AP3B1: variants seen among roughly 807,000 people sequenced by gnomAD.
The protein encoded by AP3B1 is AP-3 complex subunit beta-1.
In AP3B1, 61 loss-of-function variants were observed where a neutral mutation model predicts 132.5. The observed-to-expected ratio is 0.46, with a 90% CI of 0.37 to 0.57. The LOEUF is 0.57. AP3B1 is among the 20% of genes least tolerant of loss of function. The pLI is 0.00. For missense variants in AP3B1, 1,120 were observed against 1,289.4 expected (o/e 0.87, Z 2.01); for synonymous variants, 388 against 438.3 (o/e 0.89, Z 1.43).
intron 26 of AP3B1, among the ~76,000 whole-genome samples, chr5:78,005,305 CA>C (rs1746345143): frequency 6.6e-6 from 1 of 152,192 alleles, no homozygotes; most frequent in South Asian, 2.1e-4. Context: ...AATAGGAACA[CA>C]AAAGCACTGT....
chr5:78,169,278 C>T (rs55831416), intron 11 of AP3B1, among the ~76,000 whole-genome samples: 27,759 of 152,080 alleles, frequency 0.18, 2,797 homozygotes, highest in Admixed American at 0.27. Context: ...TCTAACCCTT[C>T]GACCTCCCAA....
At chr5:78,136,018 G>GA (rs1175413840) in intron 15 of AP3B1, among the ~76,000 whole-genome samples, 3 of 150,850 alleles carry the variant, frequency 2.0e-5, no homozygotes, top group East Asian at 3.9e-4. Flanking sequence ...TTCACAGACT[G>GA]AAAAAAAAGA....
chr5:78,273,922 A>T (rs34900994), intron 1 of AP3B1, among the ~76,000 whole-genome samples: 34,140 of 151,556 alleles, frequency 0.23, 4,496 homozygotes, highest in Middle Eastern at 0.31. Flanking sequence ...AGAAGCTATC[A>T]CCCAAAGCTT....
At chr5:78,202,211 C>T (rs1232641783) in intron 7 of AP3B1, among the ~76,000 whole-genome samples, 1 of 152,160 alleles carries the variant, frequency 6.6e-6, no homozygotes, top group Non-Finnish European at 1.5e-5. Context: ...TAAGGCCTCC[C>T]CAGCCACGTA....
At chr5:78,157,483 A>G (rs1476491776) in intron 13 of AP3B1, among the ~76,000 whole-genome samples, 2 of 152,176 alleles carry the variant, frequency 1.3e-5, no homozygotes, top group Admixed American at 6.5e-5. Context: ...TAGTTATCAT[A>G]CTAAACTGGC....
chr5:78,263,379 C>T (rs1748181406), intron 2 of AP3B1, among the ~76,000 whole-genome samples: 1 of 152,086 alleles, frequency 6.6e-6, no homozygotes, highest in Non-Finnish European at 1.5e-5. Context: ...GGTAAACTTG[C>T]GTATTGGTTC....
At chr5:78,132,543 A>G (rs548558331) in intron 15 of AP3B1, among the ~76,000 whole-genome samples, 6 of 152,334 alleles carry the variant, frequency 3.9e-5, no homozygotes, top group African/African-American at 1.4e-4. Context: ...TCATATGTGC[A>G]TAAGAAAACA....
chr5:78,272,208 C>G (rs988344074), intron 1 of AP3B1, among the ~76,000 whole-genome samples: 11 of 152,192 alleles, frequency 7.2e-5, no homozygotes, highest in Non-Finnish European at 1.0e-4. Context: ...AACCTGTAAG[C>G]CCCCTGCTTC....
intron 22 of AP3B1, among the ~76,000 whole-genome samples, chr5:78,058,556 A>T (rs1748912459): frequency 6.6e-6 from 1 of 152,188 alleles, no homozygotes; most frequent in Non-Finnish European, 1.5e-5. Context: ...AAAAATTTTT[A>T]AATATAAGTG....
intron 22 of AP3B1, among the ~76,000 whole-genome samples, chr5:78,082,010 C>A (rs1750031861): frequency 6.6e-6 from 1 of 152,164 alleles, no homozygotes; most frequent in South Asian, 2.1e-4. Flanking sequence ...CTTTGCTGGG[C>A]AGACTAAGCA....
intron 3 of AP3B1, among the ~76,000 whole-genome samples, chr5:78,240,121 C>A (rs1326623862): frequency 6.6e-6 from 1 of 152,198 alleles, no homozygotes; most frequent in African/African-American, 2.4e-5. Flanking sequence ...TCACCATAAC[C>A]ATGTTCCCTG....
chr5:78,177,036 C>T (rs937772746), intron 9 of AP3B1, among the ~76,000 whole-genome samples: 1 of 152,168 alleles, frequency 6.6e-6, no homozygotes, highest in African/African-American at 2.4e-5. Context: ...TCCCAAACAT[C>T]ATTATTGCCA....
intron 2 of AP3B1, among the ~76,000 whole-genome samples, chr5:78,254,925 C>A (rs1042197715): frequency 2.6e-5 from 4 of 151,792 alleles, no homozygotes; most frequent in South Asian, 2.1e-4. Context: ...TAAACAGAAA[C>A]AACAAAAGGT....
At chr5:78,084,521 CAAAAA>C (rs568637894) in intron 22 of AP3B1, among the ~76,000 whole-genome samples, 62 of 43,992 alleles carry the variant, frequency 1.4e-3, no homozygotes, top group African/African-American at 6.5e-3. Flanking sequence ...CAGACCCTGT[CAAAAA>C]AAAAAAAAAA....
At chr5:78,067,965 A>G (rs1366897742) in intron 22 of AP3B1, among the ~76,000 whole-genome samples, 3 of 151,960 alleles carry the variant, frequency 2.0e-5, no homozygotes, top group African/African-American at 7.3e-5. Flanking sequence ...AAAAAAAAAA[A>G]TCAATGAATC....
chr5:78,119,254 G>A (rs252774), intron 17 of AP3B1, among the ~76,000 whole-genome samples: 40,539 of 151,960 alleles, frequency 0.27, 5,928 homozygotes, highest in African/African-American at 0.37. Context: ...ACAGAGCAGA[G>A]AAACTGGAAA....
intron 14 of AP3B1, among the ~76,000 whole-genome samples, chr5:78,144,177 C>T (rs952551218): frequency 2.0e-5 from 3 of 152,090 alleles, no homozygotes; most frequent in African/African-American, 7.2e-5. Context: ...CATTATGAAG[C>T]TCTGCTTTTC....
intron 22 of AP3B1, among the ~76,000 whole-genome samples, chr5:78,061,399 G>A (rs1580297894): frequency 6.6e-6 from 1 of 152,136 alleles, no homozygotes; most frequent in Admixed American, 6.5e-5. Context: ...AGTAAATAAA[G>A]CTATGTAAAA....
At chr5:78,065,398 T>C (rs760740675) in intron 22 of AP3B1, among the ~76,000 whole-genome samples, 2 of 152,036 alleles carry the variant, frequency 1.3e-5, no homozygotes, top group Non-Finnish European at 2.9e-5. Flanking sequence ...TGTGGCTGCC[T>C]GCTGCCTAAG....
Sources: gnomAD v4.1 joint callset for allele counts (sites outside exome capture counted in the v4.1 genomes callset) on GRCh38, gnomAD v4.1.1 for gene constraint, MANE v1.5 for transcripts, NCBI Gene and HGNC (gene_info 2026-07-23, HGNC 2026-07-21) for gene names.